The following INTS14 variants were observed in gnomAD, a reference collection of about 807,000 sequenced individuals.
INTS14 encodes UPF0464 protein C15orf44.
INTS14 carries 27 observed loss-of-function variants against 56.9 expected under a neutral mutation model. The ratio of observed to expected loss-of-function variants is 0.47; its 90% CI spans 0.35 to 0.65. The LOEUF is 0.65. Among genes scored for constraint, INTS14 ranks in the 30% least tolerant of loss-of-function variants. The pLI is 0.00. For synonymous variants in INTS14, 207 were observed against 236.2 expected (o/e 0.88, Z 1.13); for missense variants, 517 against 632.2 (o/e 0.82, Z 1.95).
chr15:65,609,572 TGA>T (rs1460306620), intron 1 of INTS14, among the ~76,000 whole-genome samples: 1 of 152,174 alleles, frequency 6.6e-6, no homozygotes, highest in African/African-American at 2.4e-5. Context: ...TAACAACTGA[TGA>T]ACTACCCCTA....
rs1295577637 is a variant in INTS14 at position 65,599,057 on chromosome 15, A to G, written c.487-67T>C. ...AATGCCAGATTATTCTCAGCTCACC[A>G]AGGTCAAAGCCATTACGATAACATA... is the stretch of plus-strand genomic sequence containing the variant. On this transcript the variant is annotated intron_variant, in intron 4 of 11. Transcript: ENST00000313182. 3 of 1,157,424 alleles carry G rather than the reference A, an allele frequency of 2.6e-6. No individual in the cohort carries two copies. The African/African-American group carries it at 4.7e-5, about 18-fold the overall frequency. The allele number at this position is 1,157,424 out of a possible 1,614,324, so 71.7% of individuals were successfully genotyped here.
intron 6 of INTS14, 86 bp downstream of exon 6, chr15:65,598,235 T>C: frequency 1.5e-6 from 2 of 1,371,286 alleles, no homozygotes; most frequent in South Asian, 2.7e-5. Flanking sequence ...TCAACCTTCC[T>C]AGACAGAGAA....
Position 65,599,774 on chromosome 15 carries a change from C to T in INTS14, c.486G>A (p.Glu162=). The T allele has an allele frequency of 1.2e-6, 2 of 1,613,056 alleles. No individual in the cohort carries two copies. The highest frequency in any genetic ancestry group is 1.7e-6 in the Non-Finnish European group (2 of 1,179,516). The change falls in exon 4 of 12, where the codon GAG becomes GAA. Residue 162 remains glutamate, a splice_region_variant and synonymous_variant. Coordinates refer to ENST00000313182, the MANE Select transcript of INTS14 (RefSeq NM_001394796.1). The part of the protein sequence containing the change: ...LYIMCMANLE[E]LQSTDSLECL... ...CTAAAAACTTAGCAAAAGGTATTAC[C>T]TCCTCCAAATTCGCCATGCACATGA...
At chr15:65,585,847 A>C (rs1268786159) in intron 9 of INTS14, among the ~76,000 whole-genome samples, 1 of 152,136 alleles carries the variant, frequency 6.6e-6, no homozygotes, top group South Asian at 2.1e-4. Context: ...TAATTGAAAC[A>C]CCTTGATATT....
At chr15:65,595,633 TC>T (rs1469397292) in intron 7 of INTS14, 99 bp downstream of exon 7, 1 of 870,560 alleles carries the variant, frequency 1.1e-6, no homozygotes, top group Non-Finnish European at 1.8e-6. Flanking sequence ...ACTATTCCTT[TC>T]CCCTAAATTC....
At chr15:65,607,500 T>A in intron 1 of INTS14, 58 bp from the exon 2 acceptor site, 1 of 1,483,032 alleles carries the variant, frequency 6.7e-7, no homozygotes, top group African/African-American at 1.4e-5. Flanking sequence ...TTTTTCACCA[T>A]AACTTTAACT....
intron 9 of INTS14, chr15:65,586,623 T>C (rs1165439563): frequency 6.6e-6 from 1 of 152,106 alleles, no homozygotes; most frequent in Non-Finnish European, 1.5e-5. Flanking sequence ...CTAACTGGCT[T>C]AGGAGACAGG....
At chr15:65,610,442 G>GC (rs2073864256) in intron 1 of INTS14, among the ~76,000 whole-genome samples, 1 of 152,062 alleles carries the variant, frequency 6.6e-6, no homozygotes, top group African/African-American at 2.4e-5. Flanking sequence ...TGGATTCTGA[G>GC]CCCCCAAGTC....
chr15:65,602,959 A>G (rs1482986380), intron 3 of INTS14, among the ~76,000 whole-genome samples: 1 of 152,226 alleles, frequency 6.6e-6, no homozygotes, highest in Non-Finnish European at 1.5e-5. Context: ...CATGATGCAC[A>G]AGGTCTGGTT....
chr15:65,587,216 T>C (rs1055760719), intron 9 of INTS14, among the ~76,000 whole-genome samples: 1 of 151,962 alleles, frequency 6.6e-6, no homozygotes, highest in African/African-American at 2.4e-5. Context: ...CCATGTACCC[T>C]TTTTTTCAGG....
chr15:65,590,178 A>C (rs543053022), intron 9 of INTS14, among the ~76,000 whole-genome samples: 1 of 152,188 alleles, frequency 6.6e-6, no homozygotes, highest in Non-Finnish European at 1.5e-5. Context: ...GGATTAACAC[A>C]GTAACTTTCA....
chr15:65,579,926 G>T (rs1036594008), intron 11 of INTS14, among the ~76,000 whole-genome samples: 2 of 152,190 alleles, frequency 1.3e-5, no homozygotes, highest in African/African-American at 4.8e-5. Flanking sequence ...TATGCCACAT[G>T]TGGTAGTCAG....
intron 11 of INTS14, among the ~76,000 whole-genome samples, chr15:65,580,415 A>C (rs115969484): frequency 0.013 from 1,905 of 152,314 alleles, 31 homozygotes; most frequent in South Asian, 0.046. Flanking sequence ...GTTAAGAAGA[A>C]GGCCAAACAA....
intron 9 of INTS14, 126 bp downstream of exon 9, chr15:65,591,472 C>T: frequency 7.9e-7 from 1 of 1,272,484 alleles, no homozygotes; most frequent in Non-Finnish European, 1.1e-6. Context: ...ACACATCCAG[C>T]ATCATCCGAG....
At chr15:65,594,393 CT>C (rs1376443564) in intron 7 of INTS14, among the ~76,000 whole-genome samples, 1 of 145,150 alleles carries the variant, frequency 6.9e-6, no homozygotes, top group Non-Finnish European at 1.5e-5. Context: ...TTTTCTTTTT[CT>C]TTCTTTTTTT....
At chr15:65,583,011 T>TATG (rs1167419079) in intron 10 of INTS14, among the ~76,000 whole-genome samples, 4 of 152,116 alleles carry the variant, frequency 2.6e-5, no homozygotes, top group African/African-American at 9.7e-5. Context: ...ATGATAGCTA[T>TATG]ATGATAATAA....
At position 65,581,990 on chromosome 15, in the gene INTS14, T is replaced by C. The variant is rs774613796; in HGVS notation, c.1269A>G (p.Ala423=). ...TCTGTGTTTTTTCAGGTAGTTTCCT[T>C]GCATTTCTTAAAATCTTCTGTACAT... ...QTDVQKILRN[A]RKLPEKTQTF... is the part of the protein sequence containing the mutation. Residue 423 remains alanine (A), a synonymous_variant, in exon 11 of 12, where the codon GCA becomes GCG. Coordinates refer to ENST00000313182, the MANE Select transcript of INTS14 (RefSeq NM_001394796.1). 4 of 1,612,520 alleles carry C rather than the reference T, an allele frequency of 2.5e-6. No homozygotes were observed. In the African/African-American group the frequency reaches 5.3e-5, roughly 22 times the overall value.
intron 5 of INTS14, 102 bp downstream of exon 5, chr15:65,598,765 AAAATG>A (rs1366325490): frequency 1.0e-6 from 1 of 972,828 alleles, no homozygotes; most frequent in African/African-American, 1.6e-5. Context: ...CAACTTGGGG[AAAATG>A]AAATGACACA....
intron 9 of INTS14, 81 bp downstream of exon 9, chr15:65,591,517 C>G (rs1777735167): frequency 1.9e-6 from 3 of 1,543,334 alleles, no homozygotes; most frequent in Non-Finnish European, 2.6e-6. Flanking sequence ...TCAATCAGTT[C>G]TCTGACTGCA....
Sources: allele counts gnomAD v4.1 joint callset (sites outside exome capture counted in the v4.1 genomes callset), GRCh38; gene constraint gnomAD v4.1.1; transcripts MANE v1.5; gene names NCBI Gene and HGNC (gene_info 2026-07-23, HGNC 2026-07-21).